GSE1: variants seen among roughly 807,000 people sequenced by gnomAD.
GSE1 encodes the protein genetic suppressor element 1.
In GSE1, 32 loss-of-function variants were observed where a neutral mutation model predicts 112.6. The observed-to-expected ratio is 0.28, with a 90% CI of 0.21 to 0.38. The LOEUF (loss-of-function observed/expected upper bound fraction) is 0.38. Among genes scored for constraint, GSE1 ranks in the 10% least tolerant of loss-of-function variants. The pLI is 1.00. For missense variants in GSE1, 2,348 were observed against 1,699.2 expected (o/e 1.38, Z -6.71); for synonymous variants, 1,115 against 735.6 (o/e 1.52, Z -8.35).
intron 2 of GSE1, among the ~76,000 whole-genome samples, chr16:85,361,666 G>A (rs899822089): frequency 7.2e-5 from 11 of 152,218 alleles, no homozygotes; most frequent in South Asian, 2.1e-4. Context: ...GAAATGCCTC[G>A]TACGTGGGGA....
At chr16:85,590,962 C>G (rs1209701309) in intron 1 of GSE1, among the ~76,000 whole-genome samples, 1 of 152,200 alleles carries the variant, frequency 6.6e-6, no homozygotes, top group Non-Finnish European at 1.5e-5. Flanking sequence ...GCTCTCGGAG[C>G]TGGACCAGGG....
intron 1 of GSE1, among the ~76,000 whole-genome samples, chr16:85,314,818 A>G (rs1007000835): frequency 6.6e-6 from 1 of 152,068 alleles, no homozygotes; most frequent in African/African-American, 2.4e-5. Context: ...TCTGTGTCTC[A>G]TGTATCTTCC....
At chr16:85,637,493 C>G (rs188194238) in intron 2 of GSE1, among the ~76,000 whole-genome samples, 1 of 151,204 alleles carries the variant, frequency 6.6e-6, no homozygotes, top group East Asian at 2.0e-4. Flanking sequence ...GGCTATGTAT[C>G]GAGTCCCCCC....
intron 1 of GSE1, among the ~76,000 whole-genome samples, chr16:85,173,765 G>A (rs1019151663): frequency 1.3e-5 from 2 of 152,224 alleles, no homozygotes; most frequent in South Asian, 2.1e-4. Context: ...AGAAGCCGCC[G>A]TTTCCCAGGC....
chr16:85,223,777 G>A (rs2075434160), intron 1 of GSE1, among the ~76,000 whole-genome samples: 1 of 151,646 alleles, frequency 6.6e-6, no homozygotes, highest in South Asian at 2.1e-4. Flanking sequence ...GCTAATTTTT[G>A]TATTTTTAGT....
At chr16:85,265,785 G>T (rs943807917) in intron 1 of GSE1, among the ~76,000 whole-genome samples, 2 of 152,136 alleles carry the variant, frequency 1.3e-5, no homozygotes, top group Non-Finnish European at 2.9e-5. Flanking sequence ...CCCATGCATC[G>T]CCGGGGTCCA....
At chr16:85,519,207 C>A (rs1464040512) in intron 2 of GSE1, among the ~76,000 whole-genome samples, 1 of 152,052 alleles carries the variant, frequency 6.6e-6, no homozygotes, top group Non-Finnish European at 1.5e-5. Context: ...TCATCATCAT[C>A]ACCTTCACCA....
intron 3 of GSE1, among the ~76,000 whole-genome samples, chr16:85,653,616 C>T (rs538677504): frequency 2.4e-4 from 37 of 152,086 alleles, no homozygotes; most frequent in African/African-American, 8.4e-4. Flanking sequence ...TTCCCTGCCC[C>T]ACCGTGTGTG....
At chr16:85,493,372 G>A (rs1323486022) in intron 2 of GSE1, among the ~76,000 whole-genome samples, 1 of 152,056 alleles carries the variant, frequency 6.6e-6, no homozygotes, top group Non-Finnish European at 1.5e-5. Flanking sequence ...CTTGAGTCCA[G>A]GAGTTGGAGG....
At chr16:85,428,043 G>A (rs557368927) in intron 2 of GSE1, among the ~76,000 whole-genome samples, 1 of 152,326 alleles carries the variant, frequency 6.6e-6, no homozygotes, top group Admixed American at 6.5e-5. Flanking sequence ...GTGGCCCGTG[G>A]CTGCTGTATT....
chr16:85,462,494 T>C (rs2049995294), intron 2 of GSE1, among the ~76,000 whole-genome samples: 1 of 151,430 alleles, frequency 6.6e-6, no homozygotes. Flanking sequence ...GCCCTGGGGA[T>C]GGAGAAATGA....
intron 1 of GSE1, among the ~76,000 whole-genome samples, chr16:85,224,565 C>A (rs1178989333): frequency 6.6e-6 from 1 of 152,116 alleles, no homozygotes; most frequent in African/African-American, 2.4e-5. Context: ...ACAGAGGTTC[C>A]TTGAGCATCT....
chr16:85,301,136 T>C (rs1458446219), intron 1 of GSE1, among the ~76,000 whole-genome samples: 2 of 152,156 alleles, frequency 1.3e-5, no homozygotes, highest in African/African-American at 4.8e-5. Flanking sequence ...CCCTCTCCCA[T>C]CACATGGCGC....
At chr16:85,532,637 C>T (rs369779029) in intron 2 of GSE1, among the ~76,000 whole-genome samples, 1 of 152,144 alleles carries the variant, frequency 6.6e-6, no homozygotes, top group Non-Finnish European at 1.5e-5. Flanking sequence ...CGCCTCCCAC[C>T]GCCCCGCACT....
At chr16:85,197,207 C>CT (rs748538897) in intron 1 of GSE1, among the ~76,000 whole-genome samples, 52 of 152,132 alleles carry the variant, frequency 3.4e-4, no homozygotes, top group Non-Finnish European at 6.5e-4. Flanking sequence ...ACGGTGGACC[C>CT]AGAGCCACTT....
At chr16:85,653,308 C>CCCT (rs1173311096) in intron 3 of GSE1, among the ~76,000 whole-genome samples, 1 of 15,260 alleles carries the variant, frequency 6.6e-5, no homozygotes, top group African/African-American at 4.9e-4. Context: ...TCCTCCTACC[C>CCCT]CCTCCTCCTC....
At chr16:85,245,854 T>C (rs1597176401) in intron 1 of GSE1, among the ~76,000 whole-genome samples, 1 of 151,996 alleles carries the variant, frequency 6.6e-6, no homozygotes, top group East Asian at 1.9e-4. Context: ...TGGTCCTCAC[T>C]GGGAGTTCTG....
chr16:85,349,752 C>G (rs1567705254), intron 1 of GSE1, among the ~76,000 whole-genome samples: 1 of 152,196 alleles, frequency 6.6e-6, no homozygotes, highest in East Asian at 1.9e-4. Context: ...TCTTCCCCCT[C>G]CTGCGGTTGT....
At chr16:85,217,962 G>A (rs1374096901) in intron 1 of GSE1, among the ~76,000 whole-genome samples, 6 of 151,968 alleles carry the variant, frequency 3.9e-5, no homozygotes, top group Non-Finnish European at 5.9e-5. Flanking sequence ...GTGCAGTGGC[G>A]CGATCTTGGC....
Sources: allele counts gnomAD v4.1 joint callset (sites outside exome capture counted in the v4.1 genomes callset), GRCh38; gene constraint gnomAD v4.1.1; transcripts MANE v1.5; gene names NCBI Gene and HGNC (gene_info 2026-07-23, HGNC 2026-07-21).